Variants in SAMHD1 observed in about 807,000 individuals in gnomAD.
The protein encoded by SAMHD1 is deoxynucleoside triphosphate triphosphohydrolase SAMHD1.
Under a neutral mutation model 79.6 loss-of-function variants are expected in SAMHD1, and 54 were observed. The ratio of observed to expected loss-of-function variants is 0.68; its 90% CI spans 0.55 to 0.85. The LOEUF is 0.85. Ranked by LOEUF, SAMHD1 falls within the 40% of genes least tolerant of loss-of-function variation. SAMHD1 has a pLI of 0.00. For synonymous variants in SAMHD1, 260 were observed against 264.1 expected, an observed-to-expected ratio of 0.98 and a Z score of 0.15; for missense variants, 663 against 782.7, an observed-to-expected ratio of 0.85 and a Z score of 1.82.
At chr20:36,893,931 T>C in intron 15 of SAMHD1, 2 of 398,670 alleles carry the variant, frequency 5.0e-6, no homozygotes, top group Non-Finnish European at 8.8e-6. Context: ...GGTGGGAGAC[T>C]GGAGGTGAGA....
At chr20:36,933,067 T>G (rs1480618117) in intron 4 of SAMHD1, among the ~76,000 whole-genome samples, 1 of 152,190 alleles carries the variant, frequency 6.6e-6, no homozygotes, top group Non-Finnish European at 1.5e-5. Context: ...CAGAGGCGAT[T>G]GTTATCTTTT....
At chr20:36,927,986 A>AT (rs2146128676) in intron 5 of SAMHD1, among the ~76,000 whole-genome samples, 2 of 152,302 alleles carry the variant, frequency 1.3e-5, no homozygotes, top group African/African-American at 4.8e-5. Flanking sequence ...ACCACCACAC[A>AT]GGGCTTGATA....
chr20:36,923,251 G>A (rs1399875027), intron 6 of SAMHD1, among the ~76,000 whole-genome samples: 1 of 151,870 alleles, frequency 6.6e-6, no homozygotes, highest in Non-Finnish European at 1.5e-5. Flanking sequence ...CGCCCACCTT[G>A]GCCTCCCAAA....
At chr20:36,922,575 A>C (rs578184966) in intron 6 of SAMHD1, among the ~76,000 whole-genome samples, 1 of 152,214 alleles carries the variant, frequency 6.6e-6, no homozygotes, top group African/African-American at 2.4e-5. Flanking sequence ...AGACAGTTTC[A>C]CTATGTTGCC....
intron 6 of SAMHD1, among the ~76,000 whole-genome samples, chr20:36,925,438 A>G (rs980999136): frequency 6.6e-6 from 1 of 152,212 alleles, no homozygotes; most frequent in Admixed American, 6.6e-5. Context: ...TTTTTTGCCT[A>G]AGGGCAGGCC....
At chr20:36,948,453 AT>A (rs1187596356) in intron 1 of SAMHD1, among the ~76,000 whole-genome samples, 14 of 151,946 alleles carry the variant, frequency 9.2e-5, no homozygotes, top group Non-Finnish European at 1.8e-4. Flanking sequence ...GTGTTTCACC[AT>A]GTTGGCCAGG....
At chr20:36,896,647 C>T (rs186811528) in intron 15 of SAMHD1, among the ~76,000 whole-genome samples, 124 of 151,990 alleles carry the variant, frequency 8.2e-4, no homozygotes, top group East Asian at 7.9e-3. Context: ...CCATCCTGGC[C>T]AACATAATGA....
intron 13 of SAMHD1, among the ~76,000 whole-genome samples, chr20:36,901,972 A>C (rs1990314145): frequency 6.6e-6 from 1 of 152,134 alleles, no homozygotes; most frequent in Non-Finnish European, 1.5e-5. Context: ...CACTATAAGA[A>C]TGGGAATACT....
chr20:36,943,393 T>G (rs1264297933), intron 2 of SAMHD1, among the ~76,000 whole-genome samples: 1 of 152,250 alleles, frequency 6.6e-6, no homozygotes. Flanking sequence ...TTACTTAATT[T>G]ACTTCTAATT....
rs1294629728 is a variant in SAMHD1, at chr20:36,892,320, T to C, written c.*612A>G. Reference sequence around the variant, plus strand: ...GAGGGGAGGTGTCTTTCACTTATGCTTAGGTCACTCTTAGAGGACTATCCT... The same window carrying C: ...GAGGGGAGGTGTCTTTCACTTATGCCTAGGTCACTCTTAGAGGACTATCCT... On this transcript the variant is annotated 3_prime_UTR_variant, in exon 16 of 16. Coordinates refer to ENST00000646673, the MANE Select transcript of SAMHD1 (RefSeq NM_015474.4). The C allele has an allele frequency of 6.1e-6, 1 of 162,922 alleles. No individual in the cohort carries two copies. The highest frequency in any genetic ancestry group is 1.8e-4 in the East Asian group (1 of 5,618). 10.1% of individuals were successfully genotyped at this position (162,922 alleles called of 1,614,324 possible).
intron 1 of SAMHD1, among the ~76,000 whole-genome samples, chr20:36,950,433 C>G (rs569130488): frequency 2.0e-5 from 3 of 152,066 alleles, no homozygotes; most frequent in Admixed American, 1.3e-4. Context: ...CCTAGCCAAA[C>G]AGGGCCCCAC....
intron 11 of SAMHD1, among the ~76,000 whole-genome samples, chr20:36,908,802 C>A (rs561627380): frequency 6.6e-6 from 1 of 152,034 alleles, no homozygotes; most frequent in Non-Finnish European, 1.5e-5. Flanking sequence ...TGTGGTAGAA[C>A]GGCAGCACTC....
intron 1 of SAMHD1, among the ~76,000 whole-genome samples, chr20:36,948,137 G>C (rs1165848741): frequency 6.6e-6 from 1 of 152,046 alleles, no homozygotes. Context: ...AATGTGTTGA[G>C]TGTAGTAACT....
Position 36,935,202 on chromosome 20 carries a change from GTT to G in SAMHD1, c.349-15_349-14del. ...GATCATTAATTACCTAGAAAATTAT[GTT>G]TAATTAATACAAATAACGACATGTA... is the stretch of plus-strand genomic sequence containing the variant. On this transcript the variant is annotated splice_polypyrimidine_tract_variant and intron_variant, in intron 3 of 15. Coordinates refer to ENST00000646673, the MANE Select transcript of SAMHD1 (RefSeq NM_015474.4). 6.2e-7 allele frequency: 1 copy of G among 1,605,126 alleles called. No individual in the cohort carries two copies. The highest frequency in any genetic ancestry group is 8.5e-7 in the Non-Finnish European group (1 of 1,172,168).
At position 36,951,647 on chromosome 20, in the gene SAMHD1, T is replaced by C. The variant is rs1460102273; in HGVS notation, c.-4A>G. On this transcript the variant is annotated 5_prime_UTR_variant, in exon 1 of 16. Transcript: ENST00000646673. Reference sequence around the variant, plus strand: ...GCTCGGAATCGGCTCGCTGCATGGCTACACCTGGCGTCCGGCACAGCAGTC... The same window carrying C: ...GCTCGGAATCGGCTCGCTGCATGGCCACACCTGGCGTCCGGCACAGCAGTC... 1 of 1,613,082 alleles carries C rather than the reference T, an allele frequency of 6.2e-7. No individual in the cohort carries two copies. The highest frequency in any genetic ancestry group is 2.2e-5 in the East Asian group (1 of 44,874).
chr20:36,914,997 G>C (rs1214620630), intron 9 of SAMHD1, among the ~76,000 whole-genome samples: 1 of 152,006 alleles, frequency 6.6e-6, no homozygotes, highest in Non-Finnish European at 1.5e-5. Flanking sequence ...GGGTGACAGA[G>C]TAAGATCCTG....
chr20:36,940,216 A>G (rs1264201021), intron 3 of SAMHD1: 2 of 90,748 alleles, frequency 2.2e-5, no homozygotes, highest in African/African-American at 1.1e-4. Context: ...CAAAAAGAGG[A>G]AAAAAAAAAA....
rs1601141002 is a variant in SAMHD1, at chr20:36,930,759, C to T, written c.625+1G>A. ...CAACTTTGTCTCTTTGTACAGCTTACCGAGATCATGACAAAGTCCAGCAAT... is the reference window on the plus strand; with the variant it reads ...CAACTTTGTCTCTTTGTACAGCTTATCGAGATCATGACAAAGTCCAGCAAT... On this transcript the variant is annotated splice_donor_variant, in intron 5 of 15. Transcript: ENST00000646673. LOFTEE classifies it high-confidence loss of function. 2 of 1,599,418 alleles carry T rather than the reference C, an allele frequency of 1.3e-6. No individual in the cohort carries two copies. Among genetic ancestry groups the T allele is most frequent in the Non-Finnish European group, 8.6e-7 (1 of 1,166,836 alleles).
At chr20:36,916,633 T>C in intron 9 of SAMHD1, 89 bp downstream of exon 9, 1 of 920,584 alleles carries the variant, frequency 1.1e-6, no homozygotes, top group Non-Finnish European at 1.8e-6. Context: ...ACTGACGATT[T>C]ACCAATTATT....
Sources: allele counts gnomAD v4.1 joint callset (sites outside exome capture counted in the v4.1 genomes callset), GRCh38; gene constraint gnomAD v4.1.1; transcripts MANE v1.5; gene names NCBI Gene and HGNC (gene_info 2026-07-23, HGNC 2026-07-21).